Variants in NRG3 observed in about 807,000 individuals in gnomAD.
NRG3 encodes neuregulin 3.
A neutral mutation model predicts 66.9 loss-of-function variants in NRG3; 31 were observed. The observed-to-expected ratio is 0.46, with a 90% CI of 0.35 to 0.63. NRG3 has a LOEUF of 0.63. Ranked by LOEUF, NRG3 falls within the 20% of genes least tolerant of loss-of-function variation. NRG3 has a pLI of 0.00. For synonymous variants in NRG3, 393 were observed against 359.4 expected, an observed-to-expected ratio of 1.09 and a Z score of -1.06; for missense variants, 910 against 878.9, an observed-to-expected ratio of 1.04 and a Z score of -0.45.
chr10:82,154,344 T>C (rs960198770), intron 1 of NRG3, among the ~76,000 whole-genome samples: 2 of 151,954 alleles, frequency 1.3e-5, no homozygotes, highest in African/African-American at 4.8e-5. Flanking sequence ...TTCCCCATTG[T>C]ATATTCTTGG....
chr10:82,829,014 AT>A (rs1217772887), intron 3 of NRG3, among the ~76,000 whole-genome samples: 1 of 152,022 alleles, frequency 6.6e-6, no homozygotes, highest in Non-Finnish European at 1.5e-5. Context: ...TCTTTAGTAA[AT>A]TTTTTAAAGC....
At chr10:81,921,698 C>G (rs1846269238) in intron 1 of NRG3, among the ~76,000 whole-genome samples, 1 of 152,006 alleles carries the variant, frequency 6.6e-6, no homozygotes, top group African/African-American at 2.4e-5. Flanking sequence ...TCTGGCCATT[C>G]CTTTTTAGTA....
chr10:81,904,630 G>C (rs934921027), intron 1 of NRG3, among the ~76,000 whole-genome samples: 4 of 152,048 alleles, frequency 2.6e-5, no homozygotes, highest in Non-Finnish European at 5.9e-5. Flanking sequence ...ACTTTTACCA[G>C]GTGAGGACTT....
intron 1 of NRG3, among the ~76,000 whole-genome samples, chr10:82,012,920 C>G (rs1249751131): frequency 6.6e-6 from 1 of 152,144 alleles, no homozygotes; most frequent in African/African-American, 2.4e-5. Flanking sequence ...AGTTTTAAAC[C>G]TTCCCACATT....
At chr10:82,337,711 C>T (rs1297263077) in intron 1 of NRG3, among the ~76,000 whole-genome samples, 1 of 152,098 alleles carries the variant, frequency 6.6e-6, no homozygotes. Flanking sequence ...TTTACATAAA[C>T]ACTAACAATT....
intron 2 of NRG3, among the ~76,000 whole-genome samples, chr10:82,372,790 C>T (rs144527746): frequency 0.036 from 5,454 of 152,238 alleles, 160 homozygotes; most frequent in African/African-American, 0.08. Context: ...GACAGGGTTT[C>T]GCCATGTTGG....
chr10:82,026,205 T>C (rs919140288), intron 1 of NRG3, among the ~76,000 whole-genome samples: 18 of 152,068 alleles, frequency 1.2e-4, no homozygotes, highest in Non-Finnish European at 1.9e-4. Flanking sequence ...TCTGAGTCAA[T>C]TGGGATACCA....
intron 2 of NRG3, among the ~76,000 whole-genome samples, chr10:82,722,981 A>G (rs920519601): frequency 6.6e-5 from 10 of 152,094 alleles, no homozygotes; most frequent in African/African-American, 2.4e-4. Flanking sequence ...ATATATATTT[A>G]AGAGAAAATA....
In NRG3 at chr10:82,486,549, G is replaced by T. The variant is rs752337923; in HGVS notation, c.953+127681G>T. Among the ~76,000 whole-genome samples the T allele has an allele frequency of 5.3e-5, 8 of 152,024 alleles. No individual in the cohort carries two copies. In the South Asian group the frequency reaches 1.2e-3, roughly 24 times the overall value. The stretch of plus-strand genomic sequence containing the variant: ...TCTGCCTCAGCCTCCCAAGTAGCTG[G>T]GATTACAGGCATGTGCCACCCCACC... On this transcript the variant is annotated intron_variant, in intron 2 of 8. Coordinates refer to ENST00000372141, the MANE Select transcript of NRG3 (RefSeq NM_001010848.4).
rs774927520 is a variant in NRG3 at position 82,865,469 on chromosome 10, C to T, written c.1054+32C>T. The stretch of plus-strand genomic sequence containing the variant: ...CTAAACAATTTGCTCATTTAATATC[C>T]TGGAAATGCTAAGCTTTATGATGTA... On this transcript the variant is annotated intron_variant, in intron 4 of 8. Transcript: ENST00000372141. 4.4e-6 allele frequency: 7 copies of T among 1,604,044 alleles called. No individual in the cohort carries two copies. The South Asian group carries it at 5.6e-5, about 13-fold the overall frequency.
intron 2 of NRG3, among the ~76,000 whole-genome samples, chr10:82,456,137 CTTTT>C (rs147759240): frequency 3.4e-5 from 3 of 88,806 alleles, no homozygotes; most frequent in Admixed American, 1.3e-4. Context: ...TTTTCTGTCA[CTTTT>C]TTTTTTTTTT....
chr10:82,604,674 G>A (rs1369959881), intron 2 of NRG3, among the ~76,000 whole-genome samples: 3 of 152,058 alleles, frequency 2.0e-5, no homozygotes, highest in Non-Finnish European at 2.9e-5. Flanking sequence ...ACAAAATAGA[G>A]AACCAAGAAA....
rs1845603382 is a variant in NRG3, at chr10:81,915,496, G to GTTTTGTTTTT, written c.823+39337_823+39338insGTTTTTTTTT. Among the ~76,000 whole-genome samples the GTTTTGTTTTT allele has an allele frequency of 3.8e-5, 5 of 130,728 alleles. No individual in the cohort carries two copies. The South Asian group carries it at 1.2e-3, about 31-fold the overall frequency. 85.8% of individuals were successfully genotyped at this position (130,728 alleles called of 152,430 possible). On this transcript the variant is annotated intron_variant, in intron 1 of 8. Transcript: ENST00000372141. Reference sequence around the variant, plus strand: ...GTTAAAGTCAGCTCACACTTCTTTAGTTTTTTTTTTTTTTGCCAAAACACA... The same window carrying GTTTTGTTTTT: ...GTTAAAGTCAGCTCACACTTCTTTAGTTTTGTTTTTTTTTTTTTTTTTTTGCCAAAACACA...
intron 3 of NRG3, among the ~76,000 whole-genome samples, chr10:82,768,584 A>C (rs1424090668): frequency 1.3e-5 from 2 of 152,124 alleles, no homozygotes; most frequent in African/African-American, 4.8e-5. Context: ...AGAGATTTTC[A>C]TCTCTTCAAG....
At chr10:81,881,156 G>C (rs1842142910) in intron 1 of NRG3, among the ~76,000 whole-genome samples, 1 of 151,096 alleles carries the variant, frequency 6.6e-6, no homozygotes, top group Admixed American at 6.6e-5. Context: ...CTGACTGAAG[G>C]CTCCTTTCAG....
At chr10:82,812,826 T>C (rs1001847320) in intron 3 of NRG3, among the ~76,000 whole-genome samples, 8 of 152,232 alleles carry the variant, frequency 5.3e-5, no homozygotes, top group African/African-American at 1.4e-4. Context: ...AAAAGTTAGA[T>C]GTTTTATTCT....
intron 2 of NRG3, among the ~76,000 whole-genome samples, chr10:82,458,190 G>A (rs2091357698): frequency 6.6e-6 from 1 of 152,184 alleles, no homozygotes; most frequent in South Asian, 2.1e-4. Flanking sequence ...ACCCAACCAG[G>A]GGACAGCTGT....
intron 3 of NRG3, among the ~76,000 whole-genome samples, chr10:82,788,532 T>G (rs2060460931): frequency 6.6e-6 from 1 of 152,098 alleles, no homozygotes; most frequent in African/African-American, 2.4e-5. Context: ...ACTGCACCAC[T>G]GCATGCCAGC....
chr10:82,654,174 C>G (rs1485641534), intron 2 of NRG3, among the ~76,000 whole-genome samples: 2 of 152,274 alleles, frequency 1.3e-5, no homozygotes, highest in East Asian at 3.9e-4. Flanking sequence ...ACCCCTTTCC[C>G]TCTTAAGTGA....
Sources: gnomAD v4.1 joint callset for allele counts (sites outside exome capture counted in the v4.1 genomes callset) on GRCh38, gnomAD v4.1.1 for gene constraint, MANE v1.5 for transcripts, NCBI Gene and HGNC (gene_info 2026-07-23, HGNC 2026-07-21) for gene names.